Variants in TPD52L1 observed in about 807,000 individuals in gnomAD.
TPD52L1 encodes tumor protein D53.
TPD52L1 carries 18 observed loss-of-function variants against 28.7 expected under a neutral mutation model. That is an observed-to-expected ratio of 0.63 (90% CI 0.43 to 0.93). The LOEUF is 0.93. Among genes scored for constraint, TPD52L1 ranks in the 40% least tolerant of loss-of-function variants. The pLI, the probability that TPD52L1 is intolerant of heterozygous loss-of-function variation, is 0.00. For missense variants in TPD52L1, 203 were observed against 254.8 expected (o/e 0.80, Z 1.39); for synonymous variants, 75 against 88.8 (o/e 0.84, Z 0.88).
At chr6:125,156,624 G>A (rs142006743) in intron 1 of TPD52L1, among the ~76,000 whole-genome samples, 1 of 151,972 alleles carries the variant, frequency 6.6e-6, no homozygotes, top group South Asian at 2.1e-4. Context: ...ACAAAAATTA[G>A]CTGGGTGTGG....
intron 5 of TPD52L1, among the ~76,000 whole-genome samples, chr6:125,256,816 G>T (rs1245756719): frequency 6.6e-6 from 1 of 152,230 alleles, no homozygotes. Flanking sequence ...GATTTACAGT[G>T]TACCATGGAA....
In TPD52L1 at chr6:125,220,096, C is replaced by A. The variant is rs747392476; in HGVS notation, c.38C>A (p.Pro13Gln). The A allele has an allele frequency of 6.2e-7, 1 of 1,613,432 alleles. No individual in the cohort carries two copies. The highest frequency in any genetic ancestry group is 1.1e-5 in the South Asian group (1 of 91,062). Residue 13 changes from proline (P) to glutamine (Q), a missense_variant, in exon 2 of 7, where the codon CCG becomes CAG. Coordinates refer to ENST00000534000, the MANE Select transcript of TPD52L1 (RefSeq NM_003287.4). Reference protein sequence around the residue: ...AQAQGLLETEPLQGTDEDAVA... With the variant: ...AQAQGLLETEQLQGTDEDAVA... Reference sequence around the variant, plus strand: ...CCTAAAGGTTTGTTGGAGACTGAACCGTTGCAAGGAACAGACGAAGATGCA... The same window carrying A: ...CCTAAAGGTTTGTTGGAGACTGAACAGTTGCAAGGAACAGACGAAGATGCA...
chr6:125,193,380 C>T (rs926248336), intron 1 of TPD52L1, among the ~76,000 whole-genome samples: 3 of 152,006 alleles, frequency 2.0e-5, no homozygotes, highest in Non-Finnish European at 2.9e-5. Context: ...GAGGTGTGTC[C>T]GTTGCTGTCA....
At chr6:125,230,127 C>T (rs1316962359) in intron 3 of TPD52L1, among the ~76,000 whole-genome samples, 2 of 152,114 alleles carry the variant, frequency 1.3e-5, no homozygotes, top group African/African-American at 2.4e-5. Flanking sequence ...TTGCCATTAT[C>T]GTCCTGTCTT....
chr6:125,184,434 A>G (rs1181307371), intron 1 of TPD52L1, among the ~76,000 whole-genome samples: 2 of 152,162 alleles, frequency 1.3e-5, no homozygotes, highest in Non-Finnish European at 2.9e-5. Context: ...TCTCTCACAA[A>G]TCTCTTAGGA....
Position 125,220,153 on chromosome 6 carries a change from CT to C in TPD52L1, c.96del (p.Glu33ArgfsTer7), listed in dbSNP as rs1795141771. On this transcript the variant is annotated frameshift_variant, in exon 2 of 7. Coordinates refer to ENST00000534000, the MANE Select transcript of TPD52L1 (RefSeq NM_003287.4). LOFTEE classifies it high-confidence loss of function. ...AGTGCTGACTTCTCTAGCATGCTCT[CT>C]GAGGAGGAAAAGGAAGAGTTAAAAG... ...VASADFSSML[S>X]EEEKEELKAE... is the part of the protein sequence containing the mutation. 6.2e-7 allele frequency: 1 copy of C among 1,613,666 alleles called. No individual in the cohort carries two copies. The highest frequency in any genetic ancestry group is 1.7e-5 in the Admixed American group (1 of 59,986).
chr6:125,237,115 G>A (rs1403521106), intron 3 of TPD52L1, among the ~76,000 whole-genome samples: 1 of 152,100 alleles, frequency 6.6e-6, no homozygotes, highest in Non-Finnish European at 1.5e-5. Context: ...GAAATGAGAG[G>A]GGACCAGACT....
intron 3 of TPD52L1, among the ~76,000 whole-genome samples, chr6:125,244,386 T>G (rs1796798357): frequency 6.6e-6 from 1 of 152,228 alleles, no homozygotes; most frequent in Non-Finnish European, 1.5e-5. Context: ...TGAAGTTGGC[T>G]GGAGGACCTC....
At chr6:125,235,131 T>TAATAATAATAATAAA (rs1200773296) in intron 3 of TPD52L1, among the ~76,000 whole-genome samples, 242 of 149,902 alleles carry the variant, frequency 1.6e-3, no homozygotes, top group Non-Finnish European at 2.3e-3. Context: ...ATAATAATAA[T>TAATAATAATAATAAA]AAAACACCAA....
chr6:125,159,907 G>A (rs1236958311), intron 1 of TPD52L1, among the ~76,000 whole-genome samples: 1 of 152,150 alleles, frequency 6.6e-6, no homozygotes, highest in Non-Finnish European at 1.5e-5. Context: ...CACATGTCAT[G>A]GGAGGGAGCC....
chr6:125,163,744 C>T (rs978742150), intron 1 of TPD52L1, among the ~76,000 whole-genome samples: 2 of 150,892 alleles, frequency 1.3e-5, no homozygotes, highest in Admixed American at 1.3e-4. Context: ...TGATCAACAT[C>T]GTGAAACCCC....
intron 1 of TPD52L1, among the ~76,000 whole-genome samples, chr6:125,178,075 G>A (rs945204635): frequency 6.6e-6 from 1 of 152,026 alleles, no homozygotes; most frequent in African/African-American, 2.4e-5. Flanking sequence ...ATAATTATAA[G>A]CCTGATAGTC....
intron 2 of TPD52L1, among the ~76,000 whole-genome samples, chr6:125,224,844 G>A (rs1480030367): frequency 6.6e-6 from 1 of 152,158 alleles, no homozygotes; most frequent in East Asian, 1.9e-4. Flanking sequence ...ATTCAGACTA[G>A]TTAGTTCACT....
At chr6:125,190,642 T>C (rs1792973973) in intron 1 of TPD52L1, among the ~76,000 whole-genome samples, 1 of 152,192 alleles carries the variant, frequency 6.6e-6, no homozygotes, top group Non-Finnish European at 1.5e-5. Flanking sequence ...TGAGCTTGTT[T>C]TTCTGCATCT....
intron 2 of TPD52L1, among the ~76,000 whole-genome samples, chr6:125,224,225 G>A (rs1472350877): frequency 6.6e-6 from 1 of 152,142 alleles, no homozygotes; most frequent in East Asian, 1.9e-4. Flanking sequence ...CTGTAAATTT[G>A]TGATTATATA....
At chr6:125,208,474 G>T (rs537746294) in intron 1 of TPD52L1, among the ~76,000 whole-genome samples, 8 of 152,276 alleles carry the variant, frequency 5.3e-5, no homozygotes, top group African/African-American at 1.7e-4. Context: ...GAAGGGATTG[G>T]TGGAGGAGGG....
intron 1 of TPD52L1, among the ~76,000 whole-genome samples, chr6:125,191,997 CTAAA>C (rs1793076790): frequency 6.6e-6 from 1 of 152,164 alleles, no homozygotes; most frequent in Non-Finnish European, 1.5e-5. Context: ...GACATATCTA[CTAAA>C]TAGTCACCAG....
rs895014771 is a variant in TPD52L1 at position 125,172,115 on chromosome 6, T to G, written c.19+18145T>G. On this transcript the variant is annotated intron_variant, in intron 1 of 6. Transcript: ENST00000534000. ...CTTTCTTTCCCTTTCTTTCTTTCTT[T>G]CTTTCTTTCTTTCTTTCTTTCTTTC... is the stretch of plus-strand genomic sequence containing the variant. Among the ~76,000 whole-genome samples, 177 of 59,154 alleles carry G rather than the reference T, an allele frequency of 3.0e-3. 2 individuals carry two copies. The highest frequency in any genetic ancestry group is 0.015 in the African/African-American group (170 of 11,666). 38.8% of individuals were successfully genotyped at this position (59,154 alleles called of 152,430 possible).
chr6:125,228,014 T>C (rs181780079), intron 2 of TPD52L1, among the ~76,000 whole-genome samples: 3 of 152,290 alleles, frequency 2.0e-5, no homozygotes, highest in Admixed American at 6.5e-5. Context: ...ATTCATTCAA[T>C]AGAATACTAC....
Sources: allele counts gnomAD v4.1 joint callset (sites outside exome capture counted in the v4.1 genomes callset), GRCh38; gene constraint gnomAD v4.1.1; transcripts MANE v1.5; gene names NCBI Gene and HGNC (gene_info 2026-07-23, HGNC 2026-07-21).